CDH13: variants seen among roughly 807,000 people sequenced by gnomAD.
The protein encoded by CDH13 is cadherin-13.
Under a neutral mutation model 63.8 loss-of-function variants are expected in CDH13, and 24 were observed. The ratio of observed to expected loss-of-function variants is 0.38; its 90% CI spans 0.27 to 0.53. The LOEUF is 0.53. Ranked by LOEUF, CDH13 falls within the 20% of genes least tolerant of loss-of-function variation. The pLI, the probability that CDH13 is intolerant of heterozygous loss-of-function variation, is 0.85. For missense variants in CDH13, 1,049 were observed against 903.1 expected, an observed-to-expected ratio of 1.16 and a Z score of -2.07; for synonymous variants, 503 against 355.3, an observed-to-expected ratio of 1.42 and a Z score of -4.67.
At chr16:82,912,541 G>C (rs1242332149) in intron 2 of CDH13, among the ~76,000 whole-genome samples, 2 of 152,180 alleles carry the variant, frequency 1.3e-5, no homozygotes, top group Non-Finnish European at 2.9e-5. Flanking sequence ...TATGACAGGT[G>C]GGAAAGTACA....
chr16:83,257,469 C>T (rs1006446261), intron 5 of CDH13, among the ~76,000 whole-genome samples: 8 of 152,156 alleles, frequency 5.3e-5, no homozygotes, highest in Non-Finnish European at 4.4e-5. Context: ...CACCCATCTT[C>T]GTTCCCTGAT....
chr16:82,719,115 G>A (rs904994565), intron 1 of CDH13, among the ~76,000 whole-genome samples: 8 of 152,190 alleles, frequency 5.3e-5, no homozygotes, highest in Non-Finnish European at 1.2e-4. Context: ...TTTGCAGTTT[G>A]TGAAGTCCTG....
At chr16:83,751,647 G>T (rs569582838) in intron 11 of CDH13, among the ~76,000 whole-genome samples, 2 of 152,286 alleles carry the variant, frequency 1.3e-5, no homozygotes, top group East Asian at 3.9e-4. Context: ...ACCATAGCAG[G>T]TATCTTAGTT....
chr16:83,579,936 GGGAGACA>G (rs1905399888), intron 7 of CDH13, among the ~76,000 whole-genome samples: 1 of 152,122 alleles, frequency 6.6e-6, no homozygotes, highest in Non-Finnish European at 1.5e-5. Context: ...GTGCTTACCT[GGGAGACA>G]CCTGGACGGA....
At chr16:82,685,438 C>G (rs898526809) in intron 1 of CDH13, among the ~76,000 whole-genome samples, 8 of 152,210 alleles carry the variant, frequency 5.3e-5, no homozygotes, top group Non-Finnish European at 1.0e-4. Flanking sequence ...GGCCCTGCCT[C>G]CTAACACTAT....
At chr16:82,728,141 G>A (rs1192972068) in intron 1 of CDH13, among the ~76,000 whole-genome samples, 3 of 152,166 alleles carry the variant, frequency 2.0e-5, no homozygotes, top group African/African-American at 7.2e-5. Context: ...CTGGAAGAGA[G>A]CTTGACACAT....
intron 6 of CDH13, among the ~76,000 whole-genome samples, chr16:83,447,342 G>A (rs879575928): frequency 1.3e-4 from 19 of 151,760 alleles, no homozygotes; most frequent in Non-Finnish European, 1.8e-4. Context: ...TTGAACCTGG[G>A]AGGCAGATGT....
chr16:82,846,070 A>G (rs1331986015), intron 1 of CDH13, among the ~76,000 whole-genome samples: 1 of 152,168 alleles, frequency 6.6e-6, no homozygotes, highest in Non-Finnish European at 1.5e-5. Flanking sequence ...AAACACCTTC[A>G]AATAATCTGG....
At chr16:83,021,759 G>A (rs1386228332) in intron 2 of CDH13, among the ~76,000 whole-genome samples, 1 of 152,168 alleles carries the variant, frequency 6.6e-6, no homozygotes, top group African/African-American at 2.4e-5. Flanking sequence ...TCACTCCTGG[G>A]TCAACCAGTC....
chr16:83,458,189 C>T (rs1002844111), intron 6 of CDH13, among the ~76,000 whole-genome samples: 3 of 152,198 alleles, frequency 2.0e-5, no homozygotes, highest in African/African-American at 7.2e-5. Flanking sequence ...TCCAGGATCC[C>T]AGGCTGGCTC....
At chr16:82,762,769 AAG>A (rs2034902824) in intron 1 of CDH13, among the ~76,000 whole-genome samples, 1 of 152,186 alleles carries the variant, frequency 6.6e-6, no homozygotes, top group Non-Finnish European at 1.5e-5. Flanking sequence ...AGAGGAAGAG[AAG>A]AGTTCTGCTG....
intron 13 of CDH13, among the ~76,000 whole-genome samples, chr16:83,788,750 C>G (rs1916057190): frequency 6.6e-6 from 1 of 152,178 alleles, no homozygotes; most frequent in Non-Finnish European, 1.5e-5. Flanking sequence ...TTTATGTGCT[C>G]GTCTAAGGGG....
intron 5 of CDH13, among the ~76,000 whole-genome samples, chr16:83,237,756 G>A (rs1904276817): frequency 6.6e-6 from 1 of 152,148 alleles, no homozygotes; most frequent in Non-Finnish European, 1.5e-5. Context: ...TTGTAGAAAG[G>A]TAGAAATGAG....
chr16:83,130,568 A>T (rs1396468218), intron 4 of CDH13, among the ~76,000 whole-genome samples: 1 of 152,252 alleles, frequency 6.6e-6, no homozygotes, highest in East Asian at 1.9e-4. Context: ...GTATATTAAA[A>T]TGTTAGTGGT....
chr16:83,368,428 A>C (rs1487757758), intron 6 of CDH13, among the ~76,000 whole-genome samples: 1 of 152,116 alleles, frequency 6.6e-6, no homozygotes, highest in Non-Finnish European at 1.5e-5. Flanking sequence ...CCCCTCTTCA[A>C]CTGTCTTTTA....
chr16:82,987,623 C>T (rs72792119), intron 2 of CDH13, among the ~76,000 whole-genome samples: 18,018 of 152,190 alleles, frequency 0.12, 1,312 homozygotes, highest in Middle Eastern at 0.17. Flanking sequence ...GTGATCTGCC[C>T]GCTTTGGCCT....
chr16:82,662,709 G>T (rs1322945191), intron 1 of CDH13, among the ~76,000 whole-genome samples: 1 of 152,212 alleles, frequency 6.6e-6, no homozygotes, highest in Non-Finnish European at 1.5e-5. Flanking sequence ...AACAGCTTCT[G>T]CTATAGAAGG....
At chr16:82,724,557 G>C (rs1391693320) in intron 1 of CDH13, among the ~76,000 whole-genome samples, 1 of 152,188 alleles carries the variant, frequency 6.6e-6, no homozygotes, top group South Asian at 2.1e-4. Context: ...ACATTTATTG[G>C]GATGCCCTCA....
chr16:83,693,071 A>C (rs953819563), intron 10 of CDH13, among the ~76,000 whole-genome samples: 1 of 152,200 alleles, frequency 6.6e-6, no homozygotes, highest in Non-Finnish European at 1.5e-5. Context: ...TAACCGAGTG[A>C]GACTCCATCT....
Sources: allele counts gnomAD v4.1 joint callset (sites outside exome capture counted in the v4.1 genomes callset), GRCh38; gene constraint gnomAD v4.1.1; transcripts MANE v1.5; gene names NCBI Gene and HGNC (gene_info 2026-07-23, HGNC 2026-07-21).